RABGAP1L: variants seen among roughly 807,000 people sequenced by gnomAD.
RABGAP1L encodes the protein RAB GTPase activating protein 1 like, also known as rab GTPase-activating protein 1-like.
In RABGAP1L, 63 loss-of-function variants were observed where a neutral mutation model predicts 137.7. The observed-to-expected ratio is 0.46, with a 90% CI of 0.37 to 0.56. The LOEUF (loss-of-function observed/expected upper bound fraction) is 0.56, where lower values mean the gene tolerates loss of function less well. RABGAP1L is among the 20% of genes least tolerant of loss of function. The pLI is 0.00. For missense variants in RABGAP1L, 1,095 were observed against 1,244.0 expected (o/e 0.88, Z 1.80); for synonymous variants, 431 against 433.7 (o/e 0.99, Z 0.08).
intron 13 of RABGAP1L, among the ~76,000 whole-genome samples, chr1:174,455,039 A>G (rs1011801967): frequency 5.3e-5 from 8 of 152,172 alleles, no homozygotes; most frequent in East Asian, 3.8e-4. Context: ...TTCTGCTTTT[A>G]TATATGACTT....
chr1:174,346,941 T>A (rs1257180989), intron 11 of RABGAP1L, among the ~76,000 whole-genome samples: 2 of 152,132 alleles, frequency 1.3e-5, no homozygotes, highest in African/African-American at 2.4e-5. Flanking sequence ...TTTGTTTCAA[T>A]AAATTTTAAA....
chr1:174,889,270 C>G (rs1655710666), intron 19 of RABGAP1L, among the ~76,000 whole-genome samples: 1 of 151,758 alleles, frequency 6.6e-6, no homozygotes. Context: ...ACTACAGATG[C>G]CTGCCACCAC....
At chr1:174,466,278 T>G (rs898570536) in intron 13 of RABGAP1L, among the ~76,000 whole-genome samples, 1 of 152,244 alleles carries the variant, frequency 6.6e-6, no homozygotes, top group Non-Finnish European at 1.5e-5. Context: ...CTTATGTTCC[T>G]TGTTGTCTTT....
chr1:174,803,770 C>G (rs1442797636), intron 18 of RABGAP1L, among the ~76,000 whole-genome samples: 1 of 151,812 alleles, frequency 6.6e-6, no homozygotes, highest in Non-Finnish European at 1.5e-5. Context: ...ACCCACCCTA[C>G]CTCTTTCAAA....
At chr1:174,695,138 A>C (rs1481010280) in intron 15 of RABGAP1L, among the ~76,000 whole-genome samples, 1 of 151,992 alleles carries the variant, frequency 6.6e-6, no homozygotes, top group East Asian at 1.9e-4. Flanking sequence ...ATTTTCTCCC[A>C]TTTTGTAGGT....
At chr1:174,414,584 A>C (rs539173035) in intron 13 of RABGAP1L, among the ~76,000 whole-genome samples, 1 of 152,088 alleles carries the variant, frequency 6.6e-6, no homozygotes, top group Admixed American at 6.6e-5. Context: ...GAATGACTCT[A>C]TGAATTAAAC....
At chr1:174,701,168 G>A in intron 16 of RABGAP1L, 1 of 1,300,348 alleles carries the variant, frequency 7.7e-7, no homozygotes, top group Non-Finnish European at 1.0e-6. Flanking sequence ...CTAATACTTT[G>A]TACCTTGCTG....
intron 13 of RABGAP1L, among the ~76,000 whole-genome samples, chr1:174,479,506 C>A (rs1417071011): frequency 2.0e-5 from 3 of 152,108 alleles, no homozygotes; most frequent in Admixed American, 2.0e-4. Flanking sequence ...GAAACTGATA[C>A]TTTAAAGTTT....
At position 174,448,820 on chromosome 1, in the gene RABGAP1L, A is replaced by T; in HGVS notation, c.1710+54675A>T. On this transcript the variant is annotated intron_variant, in intron 13 of 25. Transcript: ENST00000681986. This position sits in a 1 kb window ranked among gnomAD's most constrained non-coding sequence, Gnocchi z 4.2. Reference sequence around the variant, plus strand: ...AATTTGCCGTCAGCACACCAAAGAGATAAATGACCGAAGAGCCCGATTCCC... The same window carrying T: ...AATTTGCCGTCAGCACACCAAAGAGTTAAATGACCGAAGAGCCCGATTCCC... 1 of 1,614,108 alleles carries T rather than the reference A, an allele frequency of 6.2e-7. No homozygotes were observed. The highest frequency in any genetic ancestry group is 8.5e-7 in the Non-Finnish European group (1 of 1,179,986).
intron 15 of RABGAP1L, among the ~76,000 whole-genome samples, chr1:174,684,315 A>G (rs916560831): frequency 6.6e-6 from 1 of 152,214 alleles, no homozygotes; most frequent in Non-Finnish European, 1.5e-5. Context: ...TTGTCAAGAC[A>G]GAAATGAGAT....
At chr1:174,640,503 A>G (rs1436657277) in intron 14 of RABGAP1L, among the ~76,000 whole-genome samples, 4 of 152,054 alleles carry the variant, frequency 2.6e-5, no homozygotes, top group African/African-American at 4.8e-5. Context: ...AAGGTAGTCT[A>G]AGGCTTAAAG....
At chr1:174,795,676 C>A (rs1688192894) in intron 18 of RABGAP1L, among the ~76,000 whole-genome samples, 2 of 152,140 alleles carry the variant, frequency 1.3e-5, no homozygotes, top group African/African-American at 4.8e-5. Context: ...AGTGATCCTC[C>A]CACTTCAGCC....
intron 11 of RABGAP1L, among the ~76,000 whole-genome samples, chr1:174,342,242 G>A (rs759451269): frequency 2.6e-5 from 4 of 152,130 alleles, no homozygotes; most frequent in Admixed American, 1.3e-4. Context: ...GGATTGGTCA[G>A]AAACAGGATA....
intron 13 of RABGAP1L, among the ~76,000 whole-genome samples, chr1:174,510,552 G>A (rs1485894208): frequency 6.6e-6 from 1 of 152,148 alleles, no homozygotes; most frequent in Non-Finnish European, 1.5e-5. Context: ...CTAATCTAAT[G>A]ATACTTTACT....
At chr1:174,183,867 CTTTT>C (rs772022782) in intron 1 of RABGAP1L, among the ~76,000 whole-genome samples, 2 of 130,530 alleles carry the variant, frequency 1.5e-5, no homozygotes, top group Non-Finnish European at 3.2e-5. Context: ...TTCAGATTGG[CTTTT>C]TTTTTTTTTT....
At chr1:174,336,913 A>G (rs556107462) in intron 11 of RABGAP1L, among the ~76,000 whole-genome samples, 2 of 148,570 alleles carry the variant, frequency 1.3e-5, no homozygotes, top group Non-Finnish European at 3.0e-5. Context: ...GAGAGAAAGA[A>G]TGGAGGAGGA....
intron 5 of RABGAP1L, among the ~76,000 whole-genome samples, chr1:174,248,039 A>T (rs983985879): frequency 5.3e-5 from 8 of 152,218 alleles, no homozygotes; most frequent in Admixed American, 5.2e-4. Context: ...CAGAGAACTA[A>T]AAGTAGTTTA....
intron 13 of RABGAP1L, among the ~76,000 whole-genome samples, chr1:174,615,171 C>T (rs780279473): frequency 2.6e-5 from 4 of 151,556 alleles, no homozygotes; most frequent in African/African-American, 7.3e-5. Flanking sequence ...TTACAGTTTC[C>T]AGTTTTTCTG....
chr1:174,414,736 T>C (rs1468202591), intron 13 of RABGAP1L, among the ~76,000 whole-genome samples: 1 of 152,118 alleles, frequency 6.6e-6, no homozygotes, highest in Non-Finnish European at 1.5e-5. Flanking sequence ...TTACTTTTTT[T>C]CACCACATTT....
Sources: gnomAD v4.1 joint callset for allele counts (sites outside exome capture counted in the v4.1 genomes callset) on GRCh38, gnomAD v4.1.1 for gene constraint, Gnocchi (gnomAD v3.1) non-coding constraint, MANE v1.5 for transcripts, NCBI Gene and HGNC (gene_info 2026-07-23, HGNC 2026-07-21) for gene names.